Variants in CMSS1 observed in about 807,000 individuals in gnomAD.
CMSS1 encodes the protein cms1 ribosomal small subunit homolog.
CMSS1 carries 33 observed loss-of-function variants against 43.5 expected under a neutral mutation model. That is an observed-to-expected ratio of 0.76 (90% confidence interval 0.57 to 1.01). The LOEUF is 1.01. Ranked by LOEUF, CMSS1 falls within the 50% of genes least tolerant of loss-of-function variation. The probability of loss-of-function intolerance (pLI) is 0.00; values close to 1 mark genes in which losing one functional copy is unlikely to be tolerated. For missense variants in CMSS1, 313 were observed against 326.4 expected, an observed-to-expected ratio of 0.96 and a Z score of 0.32; for synonymous variants, 115 against 117.2, an observed-to-expected ratio of 0.98 and a Z score of 0.12.
At chr3:100,024,525 T>C (rs1261799781) in intron 1 of CMSS1, among the ~76,000 whole-genome samples, 1 of 152,160 alleles carries the variant, frequency 6.6e-6, no homozygotes, top group Admixed American at 6.6e-5. Flanking sequence ...GTACCTTTCA[T>C]AGGAAGCAAC....
chr3:99,978,657 G>A (rs1198275285), intron 1 of CMSS1, among the ~76,000 whole-genome samples: 1 of 152,190 alleles, frequency 6.6e-6, no homozygotes, highest in Non-Finnish European at 1.5e-5. Flanking sequence ...GACTTTGGGT[G>A]TCCAAGGTGG....
chr3:99,921,071 A>G (rs1459125331), intron 1 of CMSS1, among the ~76,000 whole-genome samples: 1 of 152,164 alleles, frequency 6.6e-6, no homozygotes, highest in Non-Finnish European at 1.5e-5. Context: ...GTGGTTTACA[A>G]CACTTTGTTT....
At chr3:99,822,591 G>T (rs1038620016) in intron 1 of CMSS1, among the ~76,000 whole-genome samples, 2 of 152,122 alleles carry the variant, frequency 1.3e-5, no homozygotes, top group African/African-American at 4.8e-5. Flanking sequence ...AATTAGCTGG[G>T]CGTGGTGGCA....
At chr3:99,980,897 A>G (rs1709102392) in intron 1 of CMSS1, among the ~76,000 whole-genome samples, 1 of 152,152 alleles carries the variant, frequency 6.6e-6, no homozygotes, top group Non-Finnish European at 1.5e-5. Context: ...CTAGGTTTGA[A>G]TCGGGTACTT....
intron 1 of CMSS1, among the ~76,000 whole-genome samples, chr3:99,857,915 A>G (rs1216795327): frequency 6.6e-6 from 1 of 152,220 alleles, no homozygotes; most frequent in Non-Finnish European, 1.5e-5. Context: ...AACAAAGACA[A>G]TCATTAGTAC....
At chr3:100,070,249 G>A (rs2065738815) in intron 1 of CMSS1, among the ~76,000 whole-genome samples, 1 of 152,166 alleles carries the variant, frequency 6.6e-6, no homozygotes, top group Non-Finnish European at 1.5e-5. Flanking sequence ...ATTTTGTGGG[G>A]AGGTCAGTTG....
At position 100,017,605 on chromosome 3, in the gene CMSS1, T is replaced by C. The variant is rs150321005; in HGVS notation, c.65-129368T>C. On this transcript the variant is annotated intron_variant, in intron 1 of 9. Transcript: ENST00000421999. ...TTTGTTGAAGAGTCAGTTAATGAAA[T>C]TTGAGAGTCCTTGGATTATCTGACA... is the stretch of plus-strand genomic sequence containing the variant. Among the ~76,000 whole-genome samples the C allele has an allele frequency of 2.0e-5, 3 of 152,254 alleles. No individual in the cohort carries two copies. In the East Asian group the frequency reaches 5.8e-4, roughly 29 times the overall value.
At chr3:99,943,860 G>T (rs182374718) in intron 1 of CMSS1, among the ~76,000 whole-genome samples, 83 of 152,284 alleles carry the variant, frequency 5.5e-4, no homozygotes, top group African/African-American at 1.9e-3. Context: ...TACTTCCCTC[G>T]CAACTTCTGC....
At chr3:99,997,377 A>G (rs570375745) in intron 1 of CMSS1, among the ~76,000 whole-genome samples, 32 of 152,358 alleles carry the variant, frequency 2.1e-4, no homozygotes, top group Admixed American at 1.6e-3. Context: ...GCTGTATGCT[A>G]TCTTTTTAAT....
At chr3:100,172,031 C>G (rs2067114501) in intron 7 of CMSS1, 132 bp downstream of exon 7, 1 of 757,224 alleles carries the variant, frequency 1.3e-6, no homozygotes, top group Non-Finnish European at 2.2e-6. Context: ...AACAACTTTT[C>G]TGGTTTTTTA....
At chr3:100,049,926 A>G (rs952188460) in intron 1 of CMSS1, among the ~76,000 whole-genome samples, 4 of 152,200 alleles carry the variant, frequency 2.6e-5, no homozygotes, top group Admixed American at 6.5e-5. Context: ...CAAAAGTTAT[A>G]TGCGATTTTC....
chr3:99,914,564 G>C (rs1706893009), intron 1 of CMSS1, among the ~76,000 whole-genome samples: 1 of 152,146 alleles, frequency 6.6e-6, no homozygotes, highest in Non-Finnish European at 1.5e-5. Context: ...TCAGATTCAA[G>C]ACTAGTCTCA....
intron 1 of CMSS1, chr3:99,850,135 G>GT (rs1426215839): frequency 6.2e-7 from 1 of 1,611,754 alleles, no homozygotes; most frequent in Non-Finnish European, 8.5e-7. Context: ...TTTATCTTCA[G>GT]TTTTCTTTAA....
chr3:100,062,093 C>CCTTTTT (rs2065577584), intron 1 of CMSS1, among the ~76,000 whole-genome samples: 2 of 53,154 alleles, frequency 3.8e-5, no homozygotes, highest in African/African-American at 1.8e-4. Flanking sequence ...CTGTCTTCTT[C>CCTTTTT]TTTTTTTTTT....
At chr3:99,989,232 A>G (rs1334023121) in intron 1 of CMSS1, among the ~76,000 whole-genome samples, 1 of 152,124 alleles carries the variant, frequency 6.6e-6, no homozygotes, top group Non-Finnish European at 1.5e-5. Context: ...CACAAAGCCA[A>G]CCTCTGTTCT....
intron 2 of CMSS1, among the ~76,000 whole-genome samples, chr3:100,154,716 A>G (rs1470904774): frequency 4.6e-5 from 7 of 152,138 alleles, no homozygotes. Context: ...CATGGCCTGT[A>G]AATCCCAGCA....
At chr3:99,929,892 A>C (rs371463759) in intron 1 of CMSS1, 7 of 1,613,762 alleles carry the variant, frequency 4.3e-6, no homozygotes, top group Admixed American at 1.7e-5. Context: ...CCTCCTGCCA[A>C]GGGGTAGATT....
intron 1 of CMSS1, chr3:99,924,555 G>A (rs936120693): frequency 8.8e-6 from 7 of 794,726 alleles, no homozygotes; most frequent in African/African-American, 8.7e-5. Flanking sequence ...TTTCGCTGTC[G>A]TTGCCCAGGC....
chr3:99,963,450 C>T (rs1271642848), intron 1 of CMSS1, among the ~76,000 whole-genome samples: 1 of 152,062 alleles, frequency 6.6e-6, no homozygotes, highest in East Asian at 1.9e-4. Flanking sequence ...AAGGGGCTGA[C>T]GGTCTCTGTG....
Sources: gnomAD v4.1 joint callset for allele counts (sites outside exome capture counted in the v4.1 genomes callset) on GRCh38, gnomAD v4.1.1 for gene constraint, MANE v1.5 for transcripts, NCBI Gene and HGNC (gene_info 2026-07-23, HGNC 2026-07-21) for gene names.